NLGN1: variants seen among roughly 807,000 people sequenced by gnomAD.
NLGN1 encodes the protein neuroligin 1.
A neutral mutation model predicts 65.5 loss-of-function variants in NLGN1; 12 were observed. That is an observed-to-expected ratio of 0.18 (90% CI 0.12 to 0.30). NLGN1 has a LOEUF of 0.30. Ranked by LOEUF, NLGN1 falls within the 10% of genes least tolerant of loss-of-function variation. The probability of loss-of-function intolerance (pLI) is 1.00; values close to 1 mark genes in which losing one functional copy is unlikely to be tolerated. For missense variants in NLGN1, 750 were observed against 1,007.1 expected (o/e 0.74, Z 3.46); for synonymous variants, 350 against 359.5 (o/e 0.97, Z 0.30).
intron 2 of NLGN1, among the ~76,000 whole-genome samples, chr3:173,477,275 T>G (rs1381110016): frequency 6.6e-6 from 1 of 152,144 alleles, no homozygotes; most frequent in African/African-American, 2.4e-5. Context: ...GTGCAGTGGT[T>G]CATGTCTGTA....
At chr3:173,725,196 T>A (rs1438127449) in intron 3 of NLGN1, among the ~76,000 whole-genome samples, 2 of 151,878 alleles carry the variant, frequency 1.3e-5, no homozygotes, top group Non-Finnish European at 2.9e-5. Flanking sequence ...AAGAAAAAAA[T>A]AATATTTTAT....
chr3:174,283,420 C>CAGTT (rs778245355), exon 7 of NLGN1: 1 of 151,440 alleles, frequency 6.6e-6, no homozygotes, highest in Non-Finnish European at 1.5e-5. Flanking sequence ...CAATTGTTTT[C>CAGTT]AGTTAGTTAG....
upstream of NLGN1, among the ~76,000 whole-genome samples, chr3:173,396,123 C>T (rs1716609247): frequency 6.6e-6 from 1 of 152,146 alleles, no homozygotes; most frequent in Non-Finnish European, 1.5e-5. Context: ...ACCTCCCCGC[C>T]TATGATTTTC....
At chr3:173,550,588 T>C (rs1221452434) in intron 2 of NLGN1, among the ~76,000 whole-genome samples, 2 of 152,128 alleles carry the variant, frequency 1.3e-5, no homozygotes, top group African/African-American at 4.8e-5. Flanking sequence ...TAGCATTTGC[T>C]AAATACTTGG....
intron 3 of NLGN1, among the ~76,000 whole-genome samples, chr3:173,675,091 A>G (rs1302774490): frequency 1.3e-5 from 2 of 152,044 alleles, no homozygotes; most frequent in Admixed American, 6.6e-5. Context: ...CATATTAATT[A>G]TTAATAAATT....
At chr3:173,977,440 A>T (rs1435288886) in intron 4 of NLGN1, among the ~76,000 whole-genome samples, 1 of 152,098 alleles carries the variant, frequency 6.6e-6, no homozygotes, top group East Asian at 1.9e-4. Flanking sequence ...GGGCAACTTT[A>T]TCTGAGTTGA....
intron 3 of NLGN1, chr3:173,724,340 A>C (rs571320109): frequency 1.3e-5 from 2 of 154,148 alleles, no homozygotes; most frequent in Non-Finnish European, 2.9e-5. Flanking sequence ...CAGTGGCGCA[A>C]TCTTAGCTCA....
chr3:173,788,206 C>CAAAAAAAAAAAAAAAAA (rs537790655), intron 3 of NLGN1, among the ~76,000 whole-genome samples: 2 of 60,838 alleles, frequency 3.3e-5, no homozygotes, highest in African/African-American at 5.4e-5. Context: ...TGACATTTTG[C>CAAAAAAAAAAAAAAAAA]AAAAAAAAAA....
At chr3:173,883,820 T>C (rs950881969) in intron 4 of NLGN1, among the ~76,000 whole-genome samples, 2 of 150,026 alleles carry the variant, frequency 1.3e-5, no homozygotes, top group Non-Finnish European at 3.0e-5. Context: ...CTTTCTTTTT[T>C]TTTTTTTTTT....
At chr3:173,659,623 T>G (rs965310304) in intron 3 of NLGN1, among the ~76,000 whole-genome samples, 1 of 151,760 alleles carries the variant, frequency 6.6e-6, no homozygotes, top group African/African-American at 2.4e-5. Flanking sequence ...TTGGGTTTAT[T>G]ATATATATAT....
chr3:173,491,834 T>A (rs953265379), intron 2 of NLGN1, among the ~76,000 whole-genome samples: 1 of 151,796 alleles, frequency 6.6e-6, no homozygotes, highest in Non-Finnish European at 1.5e-5. Context: ...TAGAATCACA[T>A]GCTGAAGCCA....
At chr3:173,453,868 G>A (rs1722067656) in intron 2 of NLGN1, among the ~76,000 whole-genome samples, 3 of 152,234 alleles carry the variant, frequency 2.0e-5, no homozygotes, top group Non-Finnish European at 4.4e-5. Flanking sequence ...TGTTCTTATT[G>A]GAATTTATAA....
At chr3:174,037,823 G>A (rs1414717290) in intron 4 of NLGN1, among the ~76,000 whole-genome samples, 1 of 152,126 alleles carries the variant, frequency 6.6e-6, no homozygotes, top group East Asian at 1.9e-4. Flanking sequence ...GTGGCTTTGA[G>A]CATATTAGTT....
At chr3:174,178,654 C>G (rs1729869193) in intron 4 of NLGN1, among the ~76,000 whole-genome samples, 1 of 151,994 alleles carries the variant, frequency 6.6e-6, no homozygotes, top group South Asian at 2.1e-4. Flanking sequence ...GGAGTACCTT[C>G]AGAAAAATGA....
intron 2 of NLGN1, among the ~76,000 whole-genome samples, chr3:173,555,650 A>T (rs1211810487): frequency 6.6e-6 from 1 of 151,926 alleles, no homozygotes; most frequent in African/African-American, 2.4e-5. Context: ...TTTTATAAAT[A>T]TACATATTTT....
intron 3 of NLGN1, among the ~76,000 whole-genome samples, chr3:173,686,145 G>A (rs1417807450): frequency 6.6e-6 from 1 of 151,972 alleles, no homozygotes; most frequent in African/African-American, 2.4e-5. Context: ...ATTTTTCATA[G>A]CATAATCTCA....
intron 4 of NLGN1, among the ~76,000 whole-genome samples, chr3:174,063,383 T>C (rs1383218439): frequency 6.6e-6 from 1 of 152,134 alleles, no homozygotes; most frequent in Non-Finnish European, 1.5e-5. Context: ...GGAAATGACA[T>C]CCGTAGAAAC....
At chr3:174,023,030 T>G (rs556738844) in intron 4 of NLGN1, among the ~76,000 whole-genome samples, 8 of 152,248 alleles carry the variant, frequency 5.3e-5, no homozygotes, top group Non-Finnish European at 8.8e-5. Flanking sequence ...GAAGCTTTAT[T>G]GATATAAAAA....
At chr3:173,402,759 A>C (rs970725047) in intron 1 of NLGN1, among the ~76,000 whole-genome samples, 1 of 152,204 alleles carries the variant, frequency 6.6e-6, no homozygotes, top group African/African-American at 2.4e-5. Flanking sequence ...TTTTCACAGA[A>C]GATATCAGCA....
Sources: gnomAD v4.1 joint callset for allele counts (sites outside exome capture counted in the v4.1 genomes callset) on GRCh38, gnomAD v4.1.1 for gene constraint, MANE v1.5 for transcripts, NCBI Gene and HGNC (gene_info 2026-07-23, HGNC 2026-07-21) for gene names.